The following SLC39A1 variants were observed in gnomAD, a reference collection of about 807,000 sequenced individuals.
SLC39A1 encodes solute carrier family 39 member 1, also known as zinc transporter ZIP1.
A neutral mutation model predicts 21.4 loss-of-function variants in SLC39A1; 17 were observed. The observed-to-expected ratio is 0.79, with a 90% CI of 0.54 to 1.19. SLC39A1 has a LOEUF of 1.19. Ranked by LOEUF, SLC39A1 falls within the 50% of genes most tolerant of loss-of-function variation. SLC39A1 has a pLI of 0.00. For synonymous variants in SLC39A1, 183 were observed against 185.9 expected, an observed-to-expected ratio of 0.98 and a Z score of 0.13; for missense variants, 343 against 399.8, an observed-to-expected ratio of 0.86 and a Z score of 1.21.
chr1:153,964,619 G>A (rs902471605), upstream of SLC39A1: 4 of 152,192 alleles, frequency 2.6e-5, no homozygotes, highest in African/African-American at 9.7e-5. Flanking sequence ...ACGAAGCCCA[G>A]TAATTCCTTA....
In SLC39A1 at chr1:153,962,365, A is replaced by G. The variant is rs374574755; in HGVS notation, c.188-15T>C. 1 of 1,612,920 alleles carries G rather than the reference A, an allele frequency of 6.2e-7. No homozygotes were observed. Among genetic ancestry groups the G allele is most frequent in the African/African-American group, 1.3e-5 (1 of 74,896 alleles). On this transcript the variant is annotated splice_polypyrimidine_tract_variant and intron_variant, in intron 2 of 3. Transcript: ENST00000356205. ...CTGGCGGGAAGCTGGGTAGGGGTGAAGCACAGAGGGGAATAAGCAAACAAA... is the reference window on the plus strand; with the variant it reads ...CTGGCGGGAAGCTGGGTAGGGGTGAGGCACAGAGGGGAATAAGCAAACAAA...
At position 153,959,458 on chromosome 1, in the gene SLC39A1, G is replaced by A. The variant is rs1164153542; in HGVS notation, c.*640C>T. On this transcript the variant is annotated 3_prime_UTR_variant, in exon 4 of 4. Coordinates refer to ENST00000356205, the MANE Select transcript of SLC39A1 (RefSeq NM_001271958.2). ...GAGCAAGCAGGCCCCCTTCACTGAGGTGCTGGGTAGGGCTCAGTGCCACAT... is the reference window on the plus strand; with the variant it reads ...GAGCAAGCAGGCCCCCTTCACTGAGATGCTGGGTAGGGCTCAGTGCCACAT... 2 of 395,774 alleles carry A rather than the reference G, an allele frequency of 5.1e-6. No homozygotes were observed. Among genetic ancestry groups the A allele is most frequent in the Non-Finnish European group, 8.9e-6 (2 of 224,684 alleles). The allele number at this position is 395,774 out of a possible 1,614,324, so 24.5% of individuals were successfully genotyped here.
chr1:153,964,292 C>G (rs1272962454), upstream of SLC39A1: 2 of 152,338 alleles, frequency 1.3e-5, no homozygotes, highest in Non-Finnish European at 2.9e-5. Context: ...TCCCGCCACC[C>G]TCGCCGGTCG....
chr1:153,960,282 G>A lies in SLC39A1; in HGVS notation c.791C>T (p.Ala264Val). 1 of 1,614,102 alleles carries A rather than the reference G, an allele frequency of 6.2e-7. No individual in the cohort carries two copies. Among genetic ancestry groups the A allele is most frequent in the Non-Finnish European group, 8.5e-7 (1 of 1,180,048 alleles). ...CTGGGCCAGCTGGTGCAGAGGTCCTGCCGACTCTGCCAGAGCTGCACCCAG... is the reference window on the plus strand; with the variant it reads ...CTGGGCCAGCTGGTGCAGAGGTCCTACCGACTCTGCCAGAGCTGCACCCAG... ...IGLGAALAES[A>V]GPLHQLAQSV... is the part of the protein sequence containing the mutation. The change falls in exon 4 of 4, where the codon GCA becomes GTA. Residue 264 changes from alanine (A) to valine (V), a missense_variant. Ala to Val is a moderately conservative substitution (Grantham distance 64). Transcript: ENST00000356205.
chr1:153,959,897 G>T lies in SLC39A1; in HGVS notation c.*201C>A. 1 of 582,612 alleles carries T rather than the reference G, an allele frequency of 1.7e-6. No individual in the cohort carries two copies. Among genetic ancestry groups the T allele is most frequent in the Admixed American group, 3.1e-5 (1 of 32,308 alleles). 36.1% of individuals were successfully genotyped at this position (582,612 alleles called of 1,614,324 possible). A position where few individuals can be genotyped will look rare whatever the true frequency, so the allele number is the denominator to read the frequency against. On this transcript the variant is annotated 3_prime_UTR_variant, in exon 4 of 4. Coordinates refer to ENST00000356205, the MANE Select transcript of SLC39A1 (RefSeq NM_001271958.2). ...GCGACTTGACCATCTCTTGTTCCTTGGGACTGGGGCCAGCCTCTTGTCTGC... is the reference window on the plus strand; with the variant it reads ...GCGACTTGACCATCTCTTGTTCCTTTGGACTGGGGCCAGCCTCTTGTCTGC...
chr1:153,965,071 T>C (rs1334369228), upstream of SLC39A1: 1 of 152,170 alleles, frequency 6.6e-6, no homozygotes, highest in African/African-American at 2.4e-5. Flanking sequence ...TTTATACACA[T>C]ACATATGTCA....
chr1:153,961,528 T>C (rs539683267), intron 3 of SLC39A1, among the ~76,000 whole-genome samples: 1 of 152,232 alleles, frequency 6.6e-6, no homozygotes, highest in East Asian at 1.9e-4. Context: ...GATGTAGACA[T>C]ACATGAAAAG....
chr1:153,962,011 G>T (rs564287529), intron 3 of SLC39A1, among the ~76,000 whole-genome samples: 1 of 152,276 alleles, frequency 6.6e-6, no homozygotes, highest in South Asian at 2.1e-4. Flanking sequence ...CTGTCTCAAC[G>T]GGAATGTAGG....
At position 153,960,223 on chromosome 1, in the gene SLC39A1, GA is replaced by G; in HGVS notation, c.849del (p.Leu284SerfsTer27). ...AGGATTTCCAGAAAGGTGATATAGA[GA>G]AAGGTGCCAGCTGCCATGCCCTCTA... ...SVLEGMAAGT[F>X]LYITFLEILP... On this transcript the variant is annotated frameshift_variant, in exon 4 of 4. Coordinates refer to ENST00000356205, the MANE Select transcript of SLC39A1 (RefSeq NM_001271958.2). LOFTEE classifies it high-confidence loss of function. 1 of 1,614,224 alleles carries G rather than the reference GA, an allele frequency of 6.2e-7. No individual in the cohort carries two copies. Among genetic ancestry groups the G allele is most frequent in the Non-Finnish European group, 8.5e-7 (1 of 1,180,050 alleles).
chr1:153,960,504 T>C lies in SLC39A1; in HGVS notation c.569A>G (p.His190Arg). The change falls in exon 4 of 4, where the codon CAC (histidine) becomes CGC (arginine). Residue 190 changes from histidine (H) to arginine (R), a missense_variant. Physicochemically the swap from His to Arg is conservative, Grantham distance 29. Coordinates refer to ENST00000356205, the MANE Select transcript of SLC39A1 (RefSeq NM_001271958.2). ...ACVLVFSLALHSVFEGLAVGL... is the reference protein window; with the variant it reads ...ACVLVFSLALRSVFEGLAVGL... Reference sequence around the variant, plus strand: ...TACCGCCAGCCCCTCGAACACGGAGTGGAGGGCCAGGGAGAACACCAGTAC... The same window carrying C: ...TACCGCCAGCCCCTCGAACACGGAGCGGAGGGCCAGGGAGAACACCAGTAC... 1 of 1,612,964 alleles carries C rather than the reference T, an allele frequency of 6.2e-7. No individual in the cohort carries two copies. Among genetic ancestry groups the C allele is most frequent in the Non-Finnish European group, 8.5e-7 (1 of 1,179,550 alleles).
rs778391961 is a variant in SLC39A1 at position 153,960,473 on chromosome 1, C to T, written c.600G>A (p.Leu200=). 6.2e-7 allele frequency: 1 copy of T among 1,613,470 alleles called. No homozygotes were observed. The highest frequency in any genetic ancestry group is 1.1e-5 in the South Asian group (1 of 91,070). ...CCATGGCCCGAGCCCGGTCTCGCTG[C>T]AGCCCTACCGCCAGCCCCTCGAACA... ...HSVFEGLAVG[L]QRDRARAMEL... is the part of the protein sequence containing the mutation. Residue 200 remains leucine, a synonymous_variant, in exon 4 of 4, where the codon CTG becomes CTA. Coordinates refer to ENST00000356205, the MANE Select transcript of SLC39A1 (RefSeq NM_001271958.2).
In SLC39A1 at chr1:153,959,990, C is replaced by T. The variant is rs1266474162; in HGVS notation, c.*108G>A. On this transcript the variant is annotated 3_prime_UTR_variant, in exon 4 of 4. Transcript: ENST00000356205. Reference sequence around the variant, plus strand: ...TTTAGCTCCCAGAGAACTTTTTGGTCCTCAGTATTTCCCTTCCCCTTTCCT... The same window carrying T: ...TTTAGCTCCCAGAGAACTTTTTGGTTCTCAGTATTTCCCTTCCCCTTTCCT... The T allele has an allele frequency of 7.2e-7, 1 of 1,389,574 alleles. No homozygotes were observed. 86.1% of individuals were successfully genotyped at this position (1,389,574 alleles called of 1,614,324 possible).
chr1:153,959,436 C>A lies in SLC39A1; in HGVS notation c.*662G>T, dbSNP rs554740295. 1.8e-5 allele frequency: 7 copies of A among 396,722 alleles called. No homozygotes were observed. In the South Asian group the frequency reaches 1.0e-3, roughly 57 times the overall value. 24.6% of individuals were successfully genotyped at this position (396,722 alleles called of 1,614,324 possible). ...CAGGATCCGGGACCAAAATAAAGAG[C>A]AAGCAGGCCCCCTTCACTGAGGTGC... On this transcript the variant is annotated 3_prime_UTR_variant, in exon 4 of 4. Coordinates refer to ENST00000356205, the MANE Select transcript of SLC39A1 (RefSeq NM_001271958.2).
rs1680840947 is a variant in SLC39A1 at position 153,959,478 on chromosome 1, C to G, written c.*620G>C. The G allele has an allele frequency of 2.5e-6, 1 of 394,066 alleles. No homozygotes were observed. The highest frequency in any genetic ancestry group is 2.1e-5 in the African/African-American group (1 of 48,526). The allele number at this position is 394,066 out of a possible 1,614,324, so 24.4% of individuals were successfully genotyped here. A position where few individuals can be genotyped will look rare whatever the true frequency, so the allele number is the denominator to read the frequency against. ...CTGAGGTGCTGGGTAGGGCTCAGTG[C>G]CACATTACTGTGCTTTGAGAAAGAG... On this transcript the variant is annotated 3_prime_UTR_variant, in exon 4 of 4. Transcript: ENST00000356205.
chr1:153,966,031 G>A (rs540694307), upstream of SLC39A1, among the ~76,000 whole-genome samples: 5 of 152,138 alleles, frequency 3.3e-5, no homozygotes, highest in African/African-American at 9.6e-5. Context: ...TAACATCAAC[G>A]GAAGCTAACT....
intron 1 of SLC39A1, 182 bp downstream of exon 1, chr1:153,963,313 G>C (rs951360599): frequency 2.6e-5 from 4 of 152,296 alleles, no homozygotes; most frequent in Admixed American, 2.6e-4. Context: ...CTGCGGTCCC[G>C]GGACGGACTG....
chr1:153,966,277 G>A (rs558446300), upstream of SLC39A1, among the ~76,000 whole-genome samples: 150 of 152,346 alleles, frequency 9.8e-4, 1 homozygote, highest in Admixed American at 2.7e-3. Context: ...TGGGTTGATA[G>A]TGTGAAGAAC....
rs1056885618 is a variant in SLC39A1, at chr1:153,960,308, C to G, written c.765G>C (p.Gly255=). The part of the protein sequence containing the change: ...LFSCMTPLGI[G]LGAALAESAG... ...CCGACTCTGCCAGAGCTGCACCCAG[C>G]CCGATGCCTAGAGGTGTCATGCATG... Residue 255 remains glycine, a synonymous_variant, in exon 4 of 4, where the codon GGG becomes GGC. Coordinates refer to ENST00000356205, the MANE Select transcript of SLC39A1 (RefSeq NM_001271958.2). 18 of 1,614,086 alleles carry G rather than the reference C, an allele frequency of 1.1e-5. No homozygotes were observed. Among genetic ancestry groups the G allele is most frequent in the Non-Finnish European group, 1.5e-5 (18 of 1,180,056 alleles).
Position 153,962,704 on chromosome 1 carries a change from C to T in SLC39A1, c.12G>A (p.Trp4Ter). 6.3e-7 allele frequency: 1 copy of T among 1,591,478 alleles called. No individual in the cohort carries two copies. Among genetic ancestry groups the T allele is most frequent in the African/African-American group, 1.3e-5 (1 of 74,508 alleles). Residue 4 changes from tryptophan (W) to a stop codon, truncating the protein, a stop_gained, in exon 2 of 4, where the codon TGG (tryptophan) becomes TGA (stop). Coordinates refer to ENST00000356205, the MANE Select transcript of SLC39A1 (RefSeq NM_001271958.2). LOFTEE classifies it high-confidence loss of function. ...GCCACACCAGGAGCTCTGGCTCTCC[C>T]CAGGGCCCCATGATGCTTCTGGTAG... MGP[W>*]GEPELLVWRP...
Sources: gnomAD v4.1 joint callset for allele counts (sites outside exome capture counted in the v4.1 genomes callset) on GRCh38, gnomAD v4.1.1 for gene constraint, MANE v1.5 for transcripts, NCBI Gene and HGNC (gene_info 2026-07-23, HGNC 2026-07-21) for gene names.